Variants in TRIP12 observed in about 807,000 individuals in gnomAD.
The protein encoded by TRIP12 is thyroid hormone receptor interactor 12, also known as E3 ubiquitin-protein ligase TRIP12.
A neutral mutation model predicts 244.2 loss-of-function variants in TRIP12; 25 were observed. The ratio of observed to expected loss-of-function variants is 0.10; its 90% confidence interval spans 0.07 to 0.14. The LOEUF (loss-of-function observed/expected upper bound fraction) is 0.14. Ranked by LOEUF, TRIP12 falls within the 10% of genes least tolerant of loss-of-function variation. The pLI, the probability that TRIP12 is intolerant of heterozygous loss-of-function variation, is 1.00. For synonymous variants in TRIP12, 905 were observed against 873.1 expected (o/e 1.04, Z -0.64); for missense variants, 1,677 against 2,486.4 (o/e 0.67, Z 6.92).
In TRIP12 at chr2:229,855,619, AAAAAAGAG is replaced by A. The variant is rs1309232763; in HGVS notation, c.1027+3145_1027+3152del. On this transcript the variant is annotated intron_variant, in intron 4 of 41. Coordinates refer to ENST00000675903, the MANE Select transcript of TRIP12 (RefSeq NM_001348323.3). ...ACAAGGGTTTAAAAAAAAAAAAAAA[AAAAAAGAG>A]AAAAGAAAATGCTTCATTCAAGGTC... 1.2e-4 allele frequency among the ~76,000 whole-genome samples: 15 copies of A among 129,016 alleles called. No homozygotes were observed. The East Asian group carries it at 3.6e-3, about 31-fold the overall frequency. The allele number at this position is 129,016 out of a possible 152,430, so 84.6% of individuals were successfully genotyped here.
chr2:229,814,777 T>G (rs568767571), intron 11 of TRIP12, among the ~76,000 whole-genome samples: 1 of 152,330 alleles, frequency 6.6e-6, no homozygotes, highest in East Asian at 1.9e-4. Flanking sequence ...TGATTCAACT[T>G]TCTCAGCTAC....
At chr2:229,839,866 A>G (rs2055933961) in intron 5 of TRIP12, among the ~76,000 whole-genome samples, 1 of 152,242 alleles carries the variant, frequency 6.6e-6, no homozygotes, top group Admixed American at 6.5e-5. Context: ...TATATGAAAT[A>G]TTAACTGTAT....
chr2:229,860,443 T>G lies in TRIP12; in HGVS notation c.187A>C (p.Thr63Pro). The G allele has an allele frequency of 6.2e-7, 1 of 1,611,936 alleles. No homozygotes were observed. Among genetic ancestry groups the G allele is most frequent in the African/African-American group, 1.3e-5 (1 of 75,024 alleles). Residue 63 changes from threonine (T) to proline (P), a missense_variant, in exon 3 of 42, where the codon ACT (threonine) becomes CCT (proline). Around this residue, in one of 11 missense-constraint regions of TRIP12, gnomAD observed 387 missense variants for 392.6 expected, o/e 0.99. Transcript: ENST00000675903. The stretch of plus-strand genomic sequence containing the variant: ...TGTCCCCTTGACAGTTCAGAAGTAG[T>G]ATTAGACTGCACTTTGGGTGCCTTA... ...NSKAPKVQSN[T>P]TSELSRGHLS...
At chr2:229,857,459 T>C (rs1169373569) in intron 4 of TRIP12, among the ~76,000 whole-genome samples, 2 of 151,998 alleles carry the variant, frequency 1.3e-5, no homozygotes, top group African/African-American at 4.8e-5. Context: ...TGAAACTCCC[T>C]CTCTACTAAA....
chr2:229,860,346 G>A (rs1450729085), intron 3 of TRIP12, 60 bp downstream of exon 3: 1 of 1,544,818 alleles, frequency 6.5e-7, no homozygotes, highest in Non-Finnish European at 8.8e-7. Flanking sequence ...TTAACATTAT[G>A]CAATGATTTG....
At chr2:229,789,082 AT>A (rs779631827) in intron 31 of TRIP12, 142 bp from the exon 32 acceptor site, 2 of 738,900 alleles carry the variant, frequency 2.7e-6, no homozygotes, top group Non-Finnish European at 4.3e-6. Context: ...ACAGCCTCTC[AT>A]TACTGTGTCC....
In TRIP12 at chr2:229,810,868, A is replaced by G. The variant is rs760224836; in HGVS notation, c.2221+12T>C. The G allele has an allele frequency of 6.2e-7, 1 of 1,612,634 alleles. No individual in the cohort carries two copies. Among genetic ancestry groups the G allele is most frequent in the South Asian group, 1.1e-5 (1 of 90,580 alleles). On this transcript the variant is annotated intron_variant, in intron 15 of 41. Coordinates refer to ENST00000675903, the MANE Select transcript of TRIP12 (RefSeq NM_001348323.3). ...TTTCCTGCTTAAAGTAGAACAGTAA[A>G]TTTGCACTTACTTTGTTTCATAAGT...
chr2:229,910,575 C>CT (rs1036039240), intron 1 of TRIP12, among the ~76,000 whole-genome samples: 11 of 152,020 alleles, frequency 7.2e-5, no homozygotes, highest in Non-Finnish European at 1.5e-5. Context: ...TTCAGTAGTC[C>CT]TTACTTTCTG....
chr2:229,808,940 T>C (rs1186454201), intron 15 of TRIP12, among the ~76,000 whole-genome samples: 4 of 152,184 alleles, frequency 2.6e-5, no homozygotes, highest in African/African-American at 9.6e-5. Flanking sequence ...CTCTGCGTGA[T>C]AACCACGCAG....
intron 15 of TRIP12, among the ~76,000 whole-genome samples, chr2:229,808,630 C>T (rs141779540): frequency 2.6e-5 from 4 of 152,270 alleles, no homozygotes; most frequent in African/African-American, 9.6e-5. Flanking sequence ...TCCTTCTCAC[C>T]CCTGAGACTT....
At chr2:229,794,589 A>G (rs1198095958) in intron 26 of TRIP12, among the ~76,000 whole-genome samples, 3 of 152,066 alleles carry the variant, frequency 2.0e-5, no homozygotes, top group Non-Finnish European at 2.9e-5. Context: ...AAATAAATAA[A>G]TAAATAAAAA....
In TRIP12 at chr2:229,811,223, A is replaced by G; in HGVS notation, c.1987-19T>C. On this transcript the variant is annotated intron_variant, in intron 13 of 41. Coordinates refer to ENST00000675903, the MANE Select transcript of TRIP12 (RefSeq NM_001348323.3). ...TTTTATCCTATTTTTTTAATAAAGG[A>G]AAATAAAATTTATTAGCATAAAGCA... is the stretch of plus-strand genomic sequence containing the variant. The G allele has an allele frequency of 1.2e-6, 2 of 1,604,980 alleles. No homozygotes were observed. Among genetic ancestry groups the G allele is most frequent in the Non-Finnish European group, 1.7e-6 (2 of 1,174,624 alleles).
intron 8 of TRIP12, among the ~76,000 whole-genome samples, chr2:229,825,279 T>C (rs2051240788): frequency 6.6e-6 from 1 of 152,204 alleles, no homozygotes; most frequent in African/African-American, 2.4e-5. Flanking sequence ...TAAATATGAA[T>C]TGGTGGTATC....
intron 6 of TRIP12, among the ~76,000 whole-genome samples, chr2:229,834,159 A>T (rs1478186870): frequency 1.3e-5 from 2 of 152,250 alleles, no homozygotes; most frequent in African/African-American, 2.4e-5. Flanking sequence ...ACAGTTTCCA[A>T]TACACACAAG....
intron 32 of TRIP12, 146 bp from the exon 33 acceptor site, chr2:229,787,807 T>A: frequency 1.3e-6 from 1 of 781,372 alleles, no homozygotes; most frequent in Non-Finnish European, 1.8e-6. Context: ...GGTCAATTTA[T>A]TTATTTATTT....
chr2:229,908,098 A>C (rs1006610875), intron 1 of TRIP12, among the ~76,000 whole-genome samples: 2 of 152,302 alleles, frequency 1.3e-5, no homozygotes, highest in East Asian at 1.9e-4. Context: ...CTCCACCAGC[A>C]GACTGTGCTA....
chr2:229,824,374 T>TG (rs1376066516), intron 8 of TRIP12, among the ~76,000 whole-genome samples: 1 of 152,088 alleles, frequency 6.6e-6, no homozygotes, highest in African/African-American at 2.4e-5. Context: ...CAACTCCAAA[T>TG]GGGGGGGAGT....
chr2:229,919,461 T>C (rs2076097339), intron 1 of TRIP12, among the ~76,000 whole-genome samples: 1 of 152,040 alleles, frequency 6.6e-6, no homozygotes, highest in South Asian at 2.1e-4. Flanking sequence ...CATGGAATCA[T>C]ACATTACTAC....
intron 15 of TRIP12, 81 bp downstream of exon 15, chr2:229,810,799 T>G (rs1234653973): frequency 7.2e-7 from 1 of 1,394,596 alleles, no homozygotes; most frequent in African/African-American, 1.5e-5. Flanking sequence ...TCTCTTCCAT[T>G]TGCTCGGCTT....
Sources: allele counts gnomAD v4.1 joint callset (sites outside exome capture counted in the v4.1 genomes callset), GRCh38; gene constraint gnomAD v4.1.1; regional missense constraint gnomAD v4.1.1; transcripts MANE v1.5; gene names NCBI Gene and HGNC (gene_info 2026-07-23, HGNC 2026-07-21).